Variants in ARFIP1 observed in about 807,000 individuals in gnomAD.
ARFIP1 encodes ARF interacting protein 1, also known as arfaptin-1.
A neutral mutation model predicts 42.5 loss-of-function variants in ARFIP1; 24 were observed. The ratio of observed to expected loss-of-function variants is 0.57; its 90% CI spans 0.41 to 0.80. The LOEUF is 0.80. Among genes scored for constraint, ARFIP1 ranks in the 30% least tolerant of loss-of-function variants. ARFIP1 has a pLI of 0.00. For synonymous variants in ARFIP1, 141 were observed against 153.7 expected (o/e 0.92, Z 0.61); for missense variants, 354 against 434.0 (o/e 0.82, Z 1.64).
chr4:152,802,213 T>G (rs1191383163), intron 1 of ARFIP1, among the ~76,000 whole-genome samples: 1 of 152,186 alleles, frequency 6.6e-6, no homozygotes, highest in Non-Finnish European at 1.5e-5. Flanking sequence ...TTTTTGGTAT[T>G]GGAACAAAAT....
intron 7 of ARFIP1, among the ~76,000 whole-genome samples, chr4:152,886,673 C>G (rs368588737): frequency 4.9e-4 from 74 of 151,896 alleles, no homozygotes; most frequent in African/African-American, 1.7e-3. Context: ...TATGGTAGTT[C>G]TTATTATCTC....
At chr4:152,840,577 C>T (rs150071539) in intron 2 of ARFIP1, among the ~76,000 whole-genome samples, 12 of 152,230 alleles carry the variant, frequency 7.9e-5, no homozygotes, top group African/African-American at 2.9e-4. Context: ...TATCCCTGCT[C>T]GCTTTTTGTG....
At chr4:152,804,433 A>T (rs1395947747) in intron 1 of ARFIP1, among the ~76,000 whole-genome samples, 4 of 108,916 alleles carry the variant, frequency 3.7e-5, no homozygotes, top group Admixed American at 2.4e-4. Context: ...TATATATAAT[A>T]TAACATGTAT....
intron 5 of ARFIP1, 122 bp downstream of exon 5, chr4:152,872,686 G>T: frequency 1.9e-6 from 1 of 524,688 alleles, no homozygotes; most frequent in South Asian, 2.9e-5. Context: ...TCTAAACATG[G>T]TAGAAATACA....
At chr4:152,864,913 C>CTTTTTTTTTTTTTTTTT (rs34123163) in intron 3 of ARFIP1, among the ~76,000 whole-genome samples, 1 of 112,484 alleles carries the variant, frequency 8.9e-6, no homozygotes, top group Non-Finnish European at 1.8e-5. Flanking sequence ...CTTTTTTAAA[C>CTTTTTTTTTTTTTTTTT]TTTTTTTTTT....
intron 1 of ARFIP1, among the ~76,000 whole-genome samples, chr4:152,784,387 C>A (rs1437745849): frequency 6.6e-6 from 1 of 152,152 alleles, no homozygotes; most frequent in Non-Finnish European, 1.5e-5. Flanking sequence ...TATTCCTATT[C>A]TCCTCTTTCT....
At chr4:152,900,120 G>A (rs1737694408) in intron 8 of ARFIP1, among the ~76,000 whole-genome samples, 1 of 151,498 alleles carries the variant, frequency 6.6e-6, no homozygotes, top group African/African-American at 2.4e-5. Flanking sequence ...TGGAAGGAAG[G>A]AAGGAAGGGT....
chr4:152,799,289 C>T (rs981964175), intron 1 of ARFIP1, among the ~76,000 whole-genome samples: 11 of 151,954 alleles, frequency 7.2e-5, no homozygotes, highest in African/African-American at 2.4e-4. Flanking sequence ...ATTATTTTCC[C>T]CATTTTTTAG....
intron 1 of ARFIP1, among the ~76,000 whole-genome samples, chr4:152,815,990 C>T (rs997192495): frequency 7.2e-5 from 11 of 152,034 alleles, no homozygotes; most frequent in Middle Eastern, 3.4e-3. Flanking sequence ...GTGTTCCGCC[C>T]GCCTCAGCCT....
intron 2 of ARFIP1, among the ~76,000 whole-genome samples, chr4:152,834,091 TC>T (rs1731455922): frequency 6.6e-6 from 1 of 151,750 alleles, no homozygotes; most frequent in Admixed American, 6.6e-5. Flanking sequence ...AAGGTGGAGG[TC>T]CCAGACTCTT....
At chr4:152,797,521 A>G (rs1309802304) in intron 1 of ARFIP1, among the ~76,000 whole-genome samples, 3 of 152,190 alleles carry the variant, frequency 2.0e-5, no homozygotes, top group African/African-American at 2.4e-5. Context: ...ATTGTATTGT[A>G]TCGAATTTAT....
chr4:152,858,912 A>T (rs1403488255), intron 2 of ARFIP1, among the ~76,000 whole-genome samples: 1 of 152,166 alleles, frequency 6.6e-6, no homozygotes, highest in African/African-American at 2.4e-5. Flanking sequence ...AAGCGCTGTA[A>T]ATCTCTGATC....
chr4:152,781,488 C>T (rs1378959728), intron 1 of ARFIP1, among the ~76,000 whole-genome samples: 1 of 152,176 alleles, frequency 6.6e-6, no homozygotes, highest in South Asian at 2.1e-4. Context: ...CCTCCCTCCT[C>T]GGCCTCCCAA....
At chr4:152,804,071 ATATT>A (rs1438525306) in intron 1 of ARFIP1, among the ~76,000 whole-genome samples, 3 of 107,876 alleles carry the variant, frequency 2.8e-5, no homozygotes, top group Non-Finnish European at 3.7e-5. Flanking sequence ...CATGTAATAT[ATATT>A]ATATATAATA....
chr4:152,840,713 C>CTTTTTTTTT (rs764318893), intron 2 of ARFIP1, among the ~76,000 whole-genome samples: 7 of 107,792 alleles, frequency 6.5e-5, no homozygotes, highest in East Asian at 2.9e-4. Flanking sequence ...GGCTCTGTAT[C>CTTTTTTTTT]TTTTTTTTTT....
intron 1 of ARFIP1, among the ~76,000 whole-genome samples, chr4:152,783,477 A>G (rs1372437096): frequency 6.6e-6 from 1 of 152,234 alleles, no homozygotes; most frequent in Non-Finnish European, 1.5e-5. Flanking sequence ...ATAACCTTAT[A>G]AAGTGGCTAA....
chr4:152,785,790 C>T (rs1730768000), intron 1 of ARFIP1, among the ~76,000 whole-genome samples: 1 of 152,164 alleles, frequency 6.6e-6, no homozygotes. Context: ...GCCAGGGATG[C>T]TAGCCACATG....
chr4:152,831,983 G>A (rs1001303965), intron 2 of ARFIP1, among the ~76,000 whole-genome samples: 2 of 151,100 alleles, frequency 1.3e-5, no homozygotes, highest in Admixed American at 6.6e-5. Flanking sequence ...TAGTTTTCCA[G>A]TGTGTTAATA....
chr4:152,845,614 T>C (rs1197512237), intron 2 of ARFIP1, among the ~76,000 whole-genome samples: 1 of 152,094 alleles, frequency 6.6e-6, no homozygotes, highest in African/African-American at 2.4e-5. Context: ...TCATCACTAA[T>C]CATCAGAGAA....
Sources: allele counts gnomAD v4.1 joint callset (sites outside exome capture counted in the v4.1 genomes callset), GRCh38; gene constraint gnomAD v4.1.1; transcripts MANE v1.5; gene names NCBI Gene and HGNC (gene_info 2026-07-23, HGNC 2026-07-21).